Variants in CCND3 observed in about 807,000 individuals in gnomAD.
CCND3 encodes G1/S-specific cyclin-D3.
A neutral mutation model predicts 28.7 loss-of-function variants in CCND3; 9 were observed. That is an observed-to-expected ratio of 0.31 (90% CI 0.19 to 0.55). The LOEUF (loss-of-function observed/expected upper bound fraction) is 0.55. Among genes scored for constraint, CCND3 ranks in the 20% least tolerant of loss-of-function variants. The pLI, the probability that CCND3 is intolerant of heterozygous loss-of-function variation, is 0.93. For synonymous variants in CCND3, 164 were observed against 163.9 expected (o/e 1.00, Z 0.00); for missense variants, 315 against 385.8 (o/e 0.82, Z 1.54).
intron 1 of CCND3, among the ~76,000 whole-genome samples, chr6:41,994,978 A>G (rs1762754170): frequency 6.6e-6 from 1 of 152,018 alleles, no homozygotes; most frequent in African/African-American, 2.4e-5. Flanking sequence ...AGGCTGAGGC[A>G]GGAGAATCAC....
At position 42,037,262 on chromosome 6, in the gene CCND3, G is replaced by A. The variant is rs568635004; in HGVS notation, c.-46+11239C>T. 4.1e-5 allele frequency among the ~76,000 whole-genome samples: 6 copies of A among 146,982 alleles called. No individual in the cohort carries two copies. In the South Asian group the frequency reaches 6.6e-4, roughly 16 times the overall value. On this transcript the variant is annotated intron_variant, in intron 1 of 4. Transcript: ENST00000372988. ...GCCGTTTTGTTTTTTTTTTTAAGAC[G>A]GAGTCTCGCTTTGCCACCAGGCTGG...
chr6:41,938,692 T>G lies in CCND3; in HGVS notation c.415-1298A>C, dbSNP rs3218094. On this transcript the variant is annotated intron_variant, in intron 2 of 4. Transcript: ENST00000372991. This position sits in a 1 kb window ranked among gnomAD's most constrained non-coding sequence, Gnocchi z 4.6. ...TGTTAACTGGTGGAGAACACACCCC[T>G]GGGAGTGCTTAGCTTCAGTAGGTGG... Among the ~76,000 whole-genome samples the G allele has an allele frequency of 5.6e-3, 860 of 152,328 alleles. 4 individuals are homozygous for G. The highest frequency in any genetic ancestry group is 0.019 in the African/African-American group (810 of 41,560).
chr6:42,013,877 T>A (rs935935651), intron 1 of CCND3, among the ~76,000 whole-genome samples: 1 of 151,542 alleles, frequency 6.6e-6, no homozygotes, highest in Non-Finnish European at 1.5e-5. Context: ...ACTGAGATCA[T>A]CCTGGCTAAT....
chr6:42,000,560 G>A (rs1373614047), intron 1 of CCND3, among the ~76,000 whole-genome samples: 1 of 31,702 alleles, frequency 3.2e-5, no homozygotes, highest in East Asian at 8.5e-4. Context: ...TGGGTGAAAC[G>A]AATCTTTTTT....
intron 1 of CCND3, among the ~76,000 whole-genome samples, chr6:41,980,036 A>AC (rs1554162936): frequency 6.0e-5 from 9 of 151,252 alleles, no homozygotes; most frequent in South Asian, 2.1e-4. Flanking sequence ...ACACACACAC[A>AC]ATCAAACCTT....
chr6:41,946,991 G>C (rs934459027), intron 1 of CCND3, among the ~76,000 whole-genome samples: 1 of 151,956 alleles, frequency 6.6e-6, no homozygotes, highest in Non-Finnish European at 1.5e-5. Context: ...AGGCCGAGGC[G>C]GGCAGATCAC....
intron 1 of CCND3, among the ~76,000 whole-genome samples, chr6:41,984,251 T>C (rs1762418944): frequency 6.6e-6 from 1 of 152,232 alleles, no homozygotes; most frequent in Non-Finnish European, 1.5e-5. Context: ...GCTATGAACA[T>C]AGAGGTACAA....
At chr6:42,000,518 G>A (rs973431094) in intron 1 of CCND3, among the ~76,000 whole-genome samples, 86 of 145,614 alleles carry the variant, frequency 5.9e-4, no homozygotes, top group African/African-American at 2.1e-3. Flanking sequence ...GTGAGCCACC[G>A]CGCCCGGCCT....
At chr6:42,038,888 G>GCAACCACT (rs1436682543) in intron 1 of CCND3, among the ~76,000 whole-genome samples, 2 of 152,092 alleles carry the variant, frequency 1.3e-5, no homozygotes, top group African/African-American at 4.8e-5. Flanking sequence ...CCATGCAAAA[G>GCAACCACT]CAACCACTCC....
chr6:41,984,237 C>T (rs1307830964), intron 1 of CCND3, among the ~76,000 whole-genome samples: 1 of 152,170 alleles, frequency 6.6e-6, no homozygotes, highest in African/African-American at 2.4e-5. Flanking sequence ...TTGGGAATAA[C>T]ACTGCTATGA....
Position 41,935,693 on chromosome 6 carries a change from A to C in CCND3, c.*247T>G. ...ATCAGCCTGGCCCACCCCCAGCTAGAGTTGGGAAAGGCGCTGCTGGTCAGA... is the reference window on the plus strand; with the variant it reads ...ATCAGCCTGGCCCACCCCCAGCTAGCGTTGGGAAAGGCGCTGCTGGTCAGA... On this transcript the variant is annotated 3_prime_UTR_variant, in exon 5 of 5. Transcript: ENST00000372991. The C allele has an allele frequency of 1.9e-6, 1 of 534,286 alleles. No individual in the cohort carries two copies. Among genetic ancestry groups the C allele is most frequent in the East Asian group, 2.8e-5 (1 of 35,158 alleles). The allele number at this position is 534,286 out of a possible 1,614,324, so 33.1% of individuals were successfully genotyped here.
upstream of CCND3, chr6:42,049,893 G>T (rs2127445283): frequency 6.6e-6 from 1 of 152,400 alleles, no homozygotes; most frequent in Non-Finnish European, 1.5e-5. Context: ...CACTGGGATT[G>T]GGCTGGGCCC....
intron 1 of CCND3, among the ~76,000 whole-genome samples, chr6:41,979,368 T>C (rs1272386115): frequency 4.0e-5 from 6 of 150,556 alleles, no homozygotes; most frequent in Non-Finnish European, 7.4e-5. Context: ...CCCGTCTCTA[T>C]TAAAAAATAC....
At chr6:42,005,047 C>T (rs1763137569) in intron 1 of CCND3, among the ~76,000 whole-genome samples, 1 of 152,182 alleles carries the variant, frequency 6.6e-6, no homozygotes, top group Non-Finnish European at 1.5e-5. Flanking sequence ...CCAACTCAGT[C>T]AGCGAGGTTA....
intron 1 of CCND3, among the ~76,000 whole-genome samples, chr6:41,991,687 C>A (rs1324143603): frequency 2.0e-5 from 3 of 152,156 alleles, no homozygotes; most frequent in Admixed American, 6.6e-5. Context: ...AACACTGGAA[C>A]TTATTCCTCC....
At chr6:41,940,990 C>A (rs781744164) in intron 1 of CCND3, 10 of 1,612,838 alleles carry the variant, frequency 6.2e-6, no homozygotes, top group Non-Finnish European at 6.8e-6. Flanking sequence ...CTGCCTCCTG[C>A]ACTTTTCATT....
At chr6:41,999,505 A>G (rs1762925470) in intron 1 of CCND3, among the ~76,000 whole-genome samples, 1 of 152,162 alleles carries the variant, frequency 6.6e-6, no homozygotes, top group South Asian at 2.1e-4. Context: ...TGCCTGGCCG[A>G]TAATTATTCT....
intron 1 of CCND3, among the ~76,000 whole-genome samples, chr6:41,993,705 A>G (rs576260771): frequency 1.3e-5 from 2 of 151,924 alleles, no homozygotes; most frequent in South Asian, 2.1e-4. Flanking sequence ...GTTCACTATC[A>G]CGAGGTCAGG....
chr6:42,044,108 A>T (rs760658418), intron 1 of CCND3, among the ~76,000 whole-genome samples: 35 of 152,232 alleles, frequency 2.3e-4, no homozygotes, highest in Non-Finnish European at 3.7e-4. Context: ...AAGGACAGTC[A>T]GGAAGGGGAA....
Sources: gnomAD v4.1 joint callset for allele counts (sites outside exome capture counted in the v4.1 genomes callset) on GRCh38, gnomAD v4.1.1 for gene constraint, Gnocchi (gnomAD v3.1) non-coding constraint, MANE v1.5 for transcripts, NCBI Gene and HGNC (gene_info 2026-07-23, HGNC 2026-07-21) for gene names.